Variants in ATP8A1 observed in about 807,000 individuals in gnomAD.
The protein encoded by ATP8A1 is ATPase phospholipid transporting 8A1, also known as phospholipid-transporting ATPase IA.
In ATP8A1, 90 loss-of-function variants were observed where a neutral mutation model predicts 177.7. The observed-to-expected ratio is 0.51, with a 90% CI of 0.43 to 0.60. The LOEUF is 0.60. ATP8A1 is among the 20% of genes least tolerant of loss of function. The pLI is 0.00. For missense variants in ATP8A1, 1,072 were observed against 1,392.8 expected (o/e 0.77, Z 3.67); for synonymous variants, 493 against 485.9 (o/e 1.01, Z -0.19).
chr4:42,639,067 C>T (rs1482138814), intron 1 of ATP8A1, among the ~76,000 whole-genome samples: 1 of 152,128 alleles, frequency 6.6e-6, no homozygotes, highest in Non-Finnish European at 1.5e-5. Flanking sequence ...TCAAGACCCA[C>T]AAAGTGCAGA....
intron 5 of ATP8A1, among the ~76,000 whole-genome samples, chr4:42,607,403 C>G (rs1452031829): frequency 2.0e-5 from 3 of 152,160 alleles, no homozygotes; most frequent in Non-Finnish European, 4.4e-5. Flanking sequence ...TCATTGTTAT[C>G]TTTTAGAACT....
At chr4:42,569,096 T>C in intron 15 of ATP8A1, 65 bp downstream of exon 15, 2 of 1,111,836 alleles carry the variant, frequency 1.8e-6, no homozygotes, top group Non-Finnish European at 2.4e-6. Context: ...AAATGTGTCT[T>C]ACAAAACAAT....
At chr4:42,635,217 G>A (rs1176378577) in intron 1 of ATP8A1, among the ~76,000 whole-genome samples, 1 of 152,014 alleles carries the variant, frequency 6.6e-6, no homozygotes, top group Admixed American at 6.6e-5. Flanking sequence ...AAATGCAGGG[G>A]TGGTAGGTAG....
chr4:42,537,810 C>T (rs1396882000), intron 20 of ATP8A1, among the ~76,000 whole-genome samples: 1 of 152,174 alleles, frequency 6.6e-6, no homozygotes, highest in Non-Finnish European at 1.5e-5. Flanking sequence ...TGGGTACAAT[C>T]AATGTTGTAA....
intron 5 of ATP8A1, among the ~76,000 whole-genome samples, chr4:42,602,292 C>CA (rs1249520494): frequency 6.6e-6 from 1 of 152,182 alleles, no homozygotes; most frequent in African/African-American, 2.4e-5. Context: ...CTAATGCCTG[C>CA]AGAGCTCACC....
chr4:42,543,966 ACT>A lies in ATP8A1; in HGVS notation c.1671_1672del (p.Val558AspfsTer17). The stretch of plus-strand genomic sequence containing the variant: ...CTTTCCAGATGGAGTGCGAACAATC[ACT>A]GACATTCTTTTCCTAGCACTGAAAG... On this transcript the variant is annotated frameshift_variant, in exon 20 of 37. Coordinates refer to ENST00000381668, the MANE Select transcript of ATP8A1 (RefSeq NM_006095.2). LOFTEE classifies it high-confidence loss of function. 1 of 1,613,416 alleles carries A rather than the reference ACT, an allele frequency of 6.2e-7. No homozygotes were observed.
chr4:42,597,594 A>G (rs1223440462), intron 6 of ATP8A1, among the ~76,000 whole-genome samples: 1 of 152,238 alleles, frequency 6.6e-6, no homozygotes, highest in Non-Finnish European at 1.5e-5. Context: ...TTGTCACAAA[A>G]TATGAGTATA....
intron 5 of ATP8A1, among the ~76,000 whole-genome samples, chr4:42,601,914 AGT>A (rs199583958): frequency 1.7e-5 from 1 of 60,044 alleles, no homozygotes; most frequent in African/African-American, 4.5e-5. Flanking sequence ...TTTTGAACTC[AGT>A]GTTTCACAAT....
intron 1 of ATP8A1, among the ~76,000 whole-genome samples, chr4:42,631,485 G>C (rs1409995001): frequency 1.3e-5 from 2 of 152,168 alleles, no homozygotes; most frequent in African/African-American, 4.8e-5. Context: ...GTGGTTAGGT[G>C]AACTGAGACT....
At chr4:42,526,851 C>T (rs990823529) in intron 20 of ATP8A1, among the ~76,000 whole-genome samples, 3 of 152,104 alleles carry the variant, frequency 2.0e-5, no homozygotes, top group South Asian at 4.2e-4. Flanking sequence ...CTGGAGGTGG[C>T]TGCTTAATAT....
chr4:42,467,606 T>C (rs1156863455), intron 25 of ATP8A1, among the ~76,000 whole-genome samples: 1 of 152,076 alleles, frequency 6.6e-6, no homozygotes, highest in East Asian at 1.9e-4. Context: ...GTCAGGAGAA[T>C]CGCTTGAACC....
intron 1 of ATP8A1, among the ~76,000 whole-genome samples, chr4:42,633,993 T>C (rs1739024380): frequency 1.3e-5 from 2 of 152,130 alleles, no homozygotes; most frequent in South Asian, 2.1e-4. Context: ...AAACAGAGCA[T>C]AAAACAAAAA....
At chr4:42,650,477 G>T (rs1433360033) in intron 1 of ATP8A1, among the ~76,000 whole-genome samples, 2 of 152,044 alleles carry the variant, frequency 1.3e-5, no homozygotes, top group Non-Finnish European at 2.9e-5. Flanking sequence ...GGTTTTTAAA[G>T]GAACAAAAAC....
chr4:42,521,673 A>G (rs1487597552), intron 22 of ATP8A1, among the ~76,000 whole-genome samples: 1 of 152,266 alleles, frequency 6.6e-6, no homozygotes, highest in Non-Finnish European at 1.5e-5. Flanking sequence ...TGCGACAGAA[A>G]TAATACAGGT....
intron 14 of ATP8A1, 24 bp downstream of exon 14, chr4:42,574,595 T>C (rs369162434): frequency 2.6e-6 from 4 of 1,561,952 alleles, no homozygotes; most frequent in African/African-American, 2.7e-5. Context: ...GTATTTCATA[T>C]CCTAATTAAA....
chr4:42,515,982 C>T (rs1487467968), intron 22 of ATP8A1, among the ~76,000 whole-genome samples: 1 of 152,114 alleles, frequency 6.6e-6, no homozygotes, highest in Non-Finnish European at 1.5e-5. Context: ...CATTTGATAC[C>T]AGTGCCTTCA....
intron 1 of ATP8A1, among the ~76,000 whole-genome samples, chr4:42,647,964 T>C (rs1740704815): frequency 1.3e-5 from 2 of 152,158 alleles, no homozygotes; most frequent in Non-Finnish European, 2.9e-5. Flanking sequence ...TTAAAAATAC[T>C]TTGCTTTAAG....
chr4:42,531,867 C>T (rs1432656670), intron 20 of ATP8A1, among the ~76,000 whole-genome samples: 2 of 152,062 alleles, frequency 1.3e-5, no homozygotes, highest in African/African-American at 2.4e-5. Context: ...ACCTGTAATC[C>T]TAGCAGTTTG....
At chr4:42,498,708 A>T (rs1232570232) in intron 24 of ATP8A1, among the ~76,000 whole-genome samples, 1 of 152,146 alleles carries the variant, frequency 6.6e-6, no homozygotes, top group Non-Finnish European at 1.5e-5. Context: ...AAAAAAAATG[A>T]TGATGATGTC....
Sources: gnomAD v4.1 joint callset for allele counts (sites outside exome capture counted in the v4.1 genomes callset) on GRCh38, gnomAD v4.1.1 for gene constraint, MANE v1.5 for transcripts, NCBI Gene and HGNC (gene_info 2026-07-23, HGNC 2026-07-21) for gene names.